Variants in NFKB1 observed in about 807,000 individuals in gnomAD.
NFKB1 encodes the protein nuclear factor NF-kappa-B p105 subunit.
In NFKB1, 9 loss-of-function variants were observed where a neutral mutation model predicts 105.1. The observed-to-expected ratio is 0.09, with a 90% CI of 0.05 to 0.15. The LOEUF is 0.15. Ranked by LOEUF, NFKB1 falls within the 10% of genes least tolerant of loss-of-function variation. The pLI is 1.00. For synonymous variants in NFKB1, 440 were observed against 442.2 expected, an observed-to-expected ratio of 1.00 and a Z score of 0.06; for missense variants, 830 against 1,203.7, an observed-to-expected ratio of 0.69 and a Z score of 4.59.
Position 102,540,130 on chromosome 4 carries a change from G to A in NFKB1, c.258+2174G>A, listed in dbSNP as rs559350300. Among the ~76,000 whole-genome samples the A allele has an allele frequency of 1.4e-4, 21 of 152,228 alleles. No homozygotes were observed. In the East Asian group the frequency reaches 1.7e-3, roughly 13 times the overall value. On this transcript the variant is annotated intron_variant, in intron 5 of 23. Coordinates refer to ENST00000226574, the MANE Select transcript of NFKB1 (RefSeq NM_003998.4). ...AATGACTGAAGAATTAACTTTAAGC[G>A]AAAAACTGGGAGTTTTTTCTGACTG... is the stretch of plus-strand genomic sequence containing the variant.
intron 15 of NFKB1, among the ~76,000 whole-genome samples, 176 bp from the exon 16 acceptor site, chr4:102,600,719 C>T (rs1198587757): frequency 1.3e-5 from 2 of 152,186 alleles, no homozygotes; most frequent in African/African-American, 4.8e-5. Flanking sequence ...GGGACCAGTC[C>T]TCTGGAGACA....
intron 11 of NFKB1, among the ~76,000 whole-genome samples, chr4:102,590,528 G>A (rs1053917266): frequency 2.6e-5 from 4 of 151,972 alleles, no homozygotes; most frequent in Non-Finnish European, 4.4e-5. Flanking sequence ...CTCAATACTC[G>A]AAACTTTTCC....
At chr4:102,507,056 T>C (rs1739464724) in intron 1 of NFKB1, among the ~76,000 whole-genome samples, 1 of 146,978 alleles carries the variant, frequency 6.8e-6, no homozygotes, top group Admixed American at 6.9e-5. Context: ...TATATATTAG[T>C]TACAAATATG....
chr4:102,613,687 G>A, intron 23 of NFKB1, 106 bp downstream of exon 23: 5 of 1,305,616 alleles, frequency 3.8e-6, no homozygotes, highest in Non-Finnish European at 5.2e-6. Flanking sequence ...TCGTTTTCTG[G>A]ATACACTTCC....
chr4:102,564,012 G>A (rs141079542), intron 5 of NFKB1, among the ~76,000 whole-genome samples: 346 of 151,650 alleles, frequency 2.3e-3, no homozygotes, highest in African/African-American at 8.2e-3. Flanking sequence ...TAAAGACAGG[G>A]CTTCACCATG....
chr4:102,546,574 C>G (rs1310491660), intron 5 of NFKB1, among the ~76,000 whole-genome samples: 1 of 152,038 alleles, frequency 6.6e-6, no homozygotes, highest in Non-Finnish European at 1.5e-5. Context: ...CGCCGTAAGA[C>G]AAAAGAAAAC....
intron 11 of NFKB1, among the ~76,000 whole-genome samples, chr4:102,587,241 G>GA (rs1258570500): frequency 6.6e-6 from 1 of 152,138 alleles, no homozygotes. Context: ...AAAATGATGT[G>GA]AAAATCACTG....
chr4:102,539,547 G>A (rs1741865246), intron 5 of NFKB1, among the ~76,000 whole-genome samples: 1 of 152,152 alleles, frequency 6.6e-6, no homozygotes, highest in Non-Finnish European at 1.5e-5. Context: ...GTCCACAGAA[G>A]CAGACCACGG....
intron 16 of NFKB1, among the ~76,000 whole-genome samples, chr4:102,605,270 C>T (rs1727607010): frequency 6.6e-6 from 1 of 151,820 alleles, no homozygotes; most frequent in South Asian, 2.1e-4. Context: ...GAAATAAGGG[C>T]AAGTAATAAT....
At chr4:102,531,648 A>C (rs1234154030) in intron 3 of NFKB1, among the ~76,000 whole-genome samples, 1 of 152,234 alleles carries the variant, frequency 6.6e-6, no homozygotes, top group Admixed American at 6.5e-5. Flanking sequence ...AAATGTGGCC[A>C]AAAGAATGTT....
intron 1 of NFKB1, 38 bp from the exon 2 acceptor site, chr4:102,525,474 A>G (rs768677280): frequency 6.3e-6 from 10 of 1,597,132 alleles, no homozygotes; most frequent in Non-Finnish European, 8.6e-6. Context: ...AGTTCATTCT[A>G]GTGTTACAGT....
chr4:102,588,028 A>G (rs1725857234), intron 11 of NFKB1, among the ~76,000 whole-genome samples: 1 of 152,142 alleles, frequency 6.6e-6, no homozygotes, highest in Non-Finnish European at 1.5e-5. Flanking sequence ...TATGTTCTTC[A>G]TTATTTTTAT....
rs1377792505 is a variant in NFKB1 at position 102,561,277 on chromosome 4, TTTTTTG to T, written c.259-5708_259-5703del. 9.3e-3 allele frequency among the ~76,000 whole-genome samples: 1,082 copies of T among 116,056 alleles called. 6 individuals carry two copies. The highest frequency in any genetic ancestry group is 0.028 in the African/African-American group (851 of 30,338). 76.1% of individuals were successfully genotyped at this position (116,056 alleles called of 152,430 possible). A position where few individuals can be genotyped will look rare whatever the true frequency, so the allele number is the denominator to read the frequency against. On this transcript the variant is annotated intron_variant, in intron 5 of 23. Coordinates refer to ENST00000226574, the MANE Select transcript of NFKB1 (RefSeq NM_003998.4). The stretch of plus-strand genomic sequence containing the variant: ...CTTTCTTTCTTTCCTTTTTTTTTTT[TTTTTTG>T]TGTGTGTGTGTGTGCCTGATAATCT...
At position 102,543,498 on chromosome 4, in the gene NFKB1, G is replaced by A. The variant is rs187648576; in HGVS notation, c.258+5542G>A. 2.3e-3 allele frequency among the ~76,000 whole-genome samples: 354 copies of A among 151,912 alleles called. 1 individual carries two copies. The highest frequency in any genetic ancestry group is 8.4e-3 in the African/African-American group (348 of 41,426). ...TTAATCAAACATTTTCTGAAAGCTG[G>A]TTCTCACATATGTTGTCTTTCCTGA... On this transcript the variant is annotated intron_variant, in intron 5 of 23. Coordinates refer to ENST00000226574, the MANE Select transcript of NFKB1 (RefSeq NM_003998.4).
Position 102,541,206 on chromosome 4 carries a change from C to G in NFKB1, c.258+3250C>G, listed in dbSNP as rs181975019. 2.4e-3 allele frequency among the ~76,000 whole-genome samples: 361 copies of G among 152,276 alleles called. 2 individuals carry two copies. Among genetic ancestry groups the G allele is most frequent in the Middle Eastern group, 0.014 (4 of 294 alleles). On this transcript the variant is annotated intron_variant, in intron 5 of 23. Coordinates refer to ENST00000226574, the MANE Select transcript of NFKB1 (RefSeq NM_003998.4). ...AAGTCTCCACATTGACAAATGTCCCCTGGGGGGCAAAATCACCCCTCTTTG... is the reference window on the plus strand; with the variant it reads ...AAGTCTCCACATTGACAAATGTCCCGTGGGGGGCAAAATCACCCCTCTTTG...
At chr4:102,565,262 G>A (rs1723765804) in intron 5 of NFKB1, among the ~76,000 whole-genome samples, 2 of 152,098 alleles carry the variant, frequency 1.3e-5, no homozygotes. Context: ...TGCTCTTTGA[G>A]AAGGAGGTTA....
chr4:102,544,094 A>AGGAATTCC (rs201854295), intron 5 of NFKB1, among the ~76,000 whole-genome samples: 2,654 of 152,090 alleles, frequency 0.017, 40 homozygotes, highest in African/African-American at 0.044. Context: ...TCCTAAATTT[A>AGGAATTCC]TATGCAGACT....
chr4:102,551,249 A>G (rs1043801351), intron 5 of NFKB1, among the ~76,000 whole-genome samples: 57 of 152,224 alleles, frequency 3.7e-4, no homozygotes, highest in African/African-American at 1.4e-3. Flanking sequence ...CCCAGGTTAC[A>G]TGGCACCACA....
intron 5 of NFKB1, among the ~76,000 whole-genome samples, chr4:102,552,528 AT>A (rs1488865764): frequency 6.6e-6 from 1 of 152,076 alleles, no homozygotes; most frequent in East Asian, 1.9e-4. Flanking sequence ...ACAATAAGTA[AT>A]TTTTTTCTTT....
Sources: allele counts gnomAD v4.1 joint callset (sites outside exome capture counted in the v4.1 genomes callset), GRCh38; gene constraint gnomAD v4.1.1; transcripts MANE v1.5; gene names NCBI Gene and HGNC (gene_info 2026-07-23, HGNC 2026-07-21).